ZNF148: variants seen among roughly 807,000 people sequenced by gnomAD.
ZNF148 encodes zinc finger protein 148, also known as Beta-Enolase Repressor Factor-1.
Under a neutral mutation model 67.7 loss-of-function variants are expected in ZNF148, and 7 were observed. The ratio of observed to expected loss-of-function variants is 0.10; its 90% confidence interval spans 0.06 to 0.19. ZNF148 has a LOEUF of 0.19. Among genes scored for constraint, ZNF148 ranks in the 10% least tolerant of loss-of-function variants. The pLI is 1.00. For missense variants in ZNF148, 583 were observed against 947.1 expected, an observed-to-expected ratio of 0.62 and a Z score of 5.05; for synonymous variants, 333 against 330.7, an observed-to-expected ratio of 1.01 and a Z score of -0.08.
intron 6 of ZNF148, 27 bp from the exon 7 acceptor site, chr3:125,277,836 T>C: frequency 6.3e-7 from 1 of 1,584,106 alleles, no homozygotes; most frequent in Admixed American, 1.7e-5. Context: ...ATCCACAAAT[T>C]AGTTACTGAA....
chr3:125,349,191 C>T (rs1228955854), intron 1 of ZNF148, among the ~76,000 whole-genome samples: 1 of 152,132 alleles, frequency 6.6e-6, no homozygotes, highest in African/African-American at 2.4e-5. Context: ...GGATTTGACA[C>T]CAAAAGCACG....
chr3:125,253,625 T>C (rs1936944122), intron 7 of ZNF148, among the ~76,000 whole-genome samples: 1 of 152,190 alleles, frequency 6.6e-6, no homozygotes, highest in South Asian at 2.1e-4. Context: ...GTTAAGATGT[T>C]ACTAATAGGA....
At chr3:125,298,390 T>C (rs1246947702) in intron 4 of ZNF148, among the ~76,000 whole-genome samples, 1 of 111,526 alleles carries the variant, frequency 9.0e-6, no homozygotes, top group Non-Finnish European at 1.8e-5. Context: ...TTTCCAATTA[T>C]TTCATTCAAA....
intron 2 of ZNF148, 24 bp downstream of exon 2, chr3:125,331,134 T>C (rs1941273177): frequency 5.0e-6 from 2 of 398,378 alleles, no homozygotes; most frequent in Non-Finnish European, 8.8e-6. Context: ...AAATTAAAGA[T>C]TGACTCAAAG....
chr3:125,232,123 G>T lies in ZNF148; in HGVS notation c.*218C>A. 1 of 459,678 alleles carries T rather than the reference G, an allele frequency of 2.2e-6. No homozygotes were observed. The highest frequency in any genetic ancestry group is 3.7e-6 in the Non-Finnish European group (1 of 269,424). 28.5% of individuals were successfully genotyped at this position (459,678 alleles called of 1,614,324 possible). On this transcript the variant is annotated 3_prime_UTR_variant, in exon 9 of 9. Transcript: ENST00000360647. The surrounding 1 kb of genome is among the most constrained non-coding windows in gnomAD (Gnocchi z 4.2). Reference sequence around the variant, plus strand: ...AAGTTTCTGATCTAAAACAAGTAATGCATTGCTTCTATAAAGGTGACAACA... The same window carrying T: ...AAGTTTCTGATCTAAAACAAGTAATTCATTGCTTCTATAAAGGTGACAACA...
At chr3:125,237,838 G>T (rs1936162420) in intron 7 of ZNF148, among the ~76,000 whole-genome samples, 1 of 152,076 alleles carries the variant, frequency 6.6e-6, no homozygotes, top group Admixed American at 6.5e-5. Context: ...AAACTATCTT[G>T]AAAAAGAAGA....
rs769384808 is a variant in ZNF148 at position 125,313,629 on chromosome 3, G to A, written c.12C>T (p.Asp4=). The change falls in exon 4 of 9, where the codon GAC becomes GAT. Residue 4 remains aspartate, a synonymous_variant. Coordinates refer to ENST00000360647, the MANE Select transcript of ZNF148 (RefSeq NM_021964.3). MNI[D]DKLEGLFLKC... Reference sequence around the variant, plus strand: ...TAAGAAACAATCCTTCCAGTTTGTCGTCAATGTTCATGCTTAAGTATAACT... The same window carrying A: ...TAAGAAACAATCCTTCCAGTTTGTCATCAATGTTCATGCTTAAGTATAACT... The A allele has an allele frequency of 3.1e-6, 5 of 1,611,984 alleles. No individual in the cohort carries two copies. Among genetic ancestry groups the A allele is most frequent in the Non-Finnish European group, 3.4e-6 (4 of 1,178,336 alleles).
chr3:125,313,272 T>C, intron 4 of ZNF148, 36 bp downstream of exon 4: 1 of 1,531,618 alleles, frequency 6.5e-7, no homozygotes, highest in Non-Finnish European at 8.8e-7. Context: ...AAAAATTATG[T>C]TTCTAAGTTT....
chr3:125,273,369 C>T (rs930599953), intron 7 of ZNF148, among the ~76,000 whole-genome samples: 1 of 151,962 alleles, frequency 6.6e-6, no homozygotes, highest in Non-Finnish European at 1.5e-5. Flanking sequence ...TATATTTTTA[C>T]AGAGAGAACT....
At chr3:125,316,311 A>T (rs1940490013) in intron 3 of ZNF148, among the ~76,000 whole-genome samples, 1 of 152,230 alleles carries the variant, frequency 6.6e-6, no homozygotes, top group Non-Finnish European at 1.5e-5. Flanking sequence ...CAAATACAGG[A>T]GTGCAACTAT....
intron 3 of ZNF148, 113 bp from the exon 4 acceptor site, chr3:125,313,769 T>C (rs1940349352): frequency 2.2e-6 from 2 of 892,762 alleles, no homozygotes; most frequent in African/African-American, 1.7e-5. Context: ...TTTATTGATG[T>C]ACTTTGGAAC....
intron 7 of ZNF148, among the ~76,000 whole-genome samples, chr3:125,249,697 A>G (rs1936754802): frequency 6.6e-6 from 1 of 152,260 alleles, no homozygotes; most frequent in African/African-American, 2.4e-5. Context: ...AAAGGAACTG[A>G]AATCATTATC....
chr3:125,336,634 G>T (rs1312305713), intron 1 of ZNF148, among the ~76,000 whole-genome samples: 1 of 148,056 alleles, frequency 6.8e-6, no homozygotes, highest in Non-Finnish European at 1.5e-5. Context: ...CTATCCCAAG[G>T]ATAACCAACC....
chr3:125,260,093 T>C (rs1462056499), intron 7 of ZNF148, among the ~76,000 whole-genome samples: 1 of 152,132 alleles, frequency 6.6e-6, no homozygotes, highest in East Asian at 1.9e-4. Context: ...TTCACTCTCT[T>C]ATGTGGGTGC....
Position 125,233,015 on chromosome 3 carries a change from T to A in ZNF148, c.1711A>T (p.Ile571Leu), listed in dbSNP as rs761451849. 3 of 1,613,566 alleles carry A rather than the reference T, an allele frequency of 1.9e-6. No homozygotes were observed. In the African/African-American group the frequency reaches 4.0e-5, roughly 22 times the overall value. ...GGTACTTCTGAAGAATTTATTGATA[T>A]GCTAGAAGTCACTTCAGTATCTGCA... ...SVADTEVTSSISINSSEVPEV... is the reference protein window; with the variant it reads ...SVADTEVTSSLSINSSEVPEV... The change falls in exon 9 of 9, where the codon ATA becomes TTA. Residue 571 changes from isoleucine (I) to leucine (L), a missense_variant. By Grantham distance (5) the Ile-to-Leu change is conservative. Around this residue, in one of 5 missense-constraint regions of ZNF148, gnomAD observed 172 missense variants for 307.7 expected, o/e 0.56. Coordinates refer to ENST00000360647, the MANE Select transcript of ZNF148 (RefSeq NM_021964.3). This position sits in a 1 kb window ranked among gnomAD's most constrained non-coding sequence, Gnocchi z 5.1.
At chr3:125,318,409 A>C (rs1157153069) in intron 3 of ZNF148, among the ~76,000 whole-genome samples, 1 of 152,194 alleles carries the variant, frequency 6.6e-6, no homozygotes, top group Non-Finnish European at 1.5e-5. Flanking sequence ...TAATTAATGG[A>C]AAGTCAGGGG....
intron 1 of ZNF148, among the ~76,000 whole-genome samples, chr3:125,351,860 C>T (rs1407054762): frequency 2.6e-5 from 4 of 152,164 alleles, no homozygotes; most frequent in Non-Finnish European, 4.4e-5. Context: ...TTCACACCCA[C>T]CAGCATAGCT....
rs980740328 is a variant in ZNF148 at position 125,329,724 on chromosome 3, C to CA, written c.-153+1433dup. ...TTCACTACATCATCATTTATAATAG[C>CA]AAAAAAAAAAGCCTAAATATCCATA... On this transcript the variant is annotated intron_variant, in intron 2 of 8. Coordinates refer to ENST00000360647, the MANE Select transcript of ZNF148 (RefSeq NM_021964.3). Among the ~76,000 whole-genome samples the CA allele has an allele frequency of 2.2e-3, 297 of 137,616 alleles. 1 individual carries two copies. The highest frequency in any genetic ancestry group is 8.5e-3 in the East Asian group (41 of 4,848). 90.3% of individuals were successfully genotyped at this position (137,616 alleles called of 152,430 possible). A position where few individuals can be genotyped will look rare whatever the true frequency, so the allele number is the denominator to read the frequency against.
chr3:125,319,377 T>C (rs1364439935), intron 3 of ZNF148, among the ~76,000 whole-genome samples: 1 of 152,204 alleles, frequency 6.6e-6, no homozygotes, highest in Non-Finnish European at 1.5e-5. Flanking sequence ...CTCGGGGAAC[T>C]GTCTGGGCTC....
Sources: gnomAD v4.1 joint callset for allele counts (sites outside exome capture counted in the v4.1 genomes callset) on GRCh38, gnomAD v4.1.1 for gene constraint, gnomAD v4.1.1 regional missense constraint, Gnocchi (gnomAD v3.1) non-coding constraint, MANE v1.5 for transcripts, NCBI Gene and HGNC (gene_info 2026-07-23, HGNC 2026-07-21) for gene names.